PTPRT: variants seen among roughly 807,000 people sequenced by gnomAD.
The protein encoded by PTPRT is protein tyrosine phosphatase receptor type T, also known as receptor-type tyrosine-protein phosphatase T.
PTPRT carries 56 observed loss-of-function variants against 176.8 expected under a neutral mutation model. That is an observed-to-expected ratio of 0.32 (90% CI 0.26 to 0.40). The LOEUF is 0.40. Ranked by LOEUF, PTPRT falls within the 10% of genes least tolerant of loss-of-function variation. The pLI is 1.00. For missense variants in PTPRT, 1,540 were observed against 1,908.2 expected, an observed-to-expected ratio of 0.81 and a Z score of 3.60; for synonymous variants, 783 against 739.0, an observed-to-expected ratio of 1.06 and a Z score of -0.96.
intron 7 of PTPRT, among the ~76,000 whole-genome samples, chr20:42,599,870 CT>C: frequency 6.6e-6 from 1 of 152,178 alleles, no homozygotes. Context: ...CAGGTTCTGC[CT>C]GGCACTCAAA....
At chr20:42,108,248 GTTTA>G (rs1986660568) in intron 23 of PTPRT, among the ~76,000 whole-genome samples, 3 of 81,982 alleles carry the variant, frequency 3.7e-5, no homozygotes, top group African/African-American at 2.2e-4. Flanking sequence ...ACAAAGCTGT[GTTTA>G]TTTCATTTCA....
chr20:42,902,824 C>T (rs1288491711), intron 1 of PTPRT, among the ~76,000 whole-genome samples: 1 of 152,188 alleles, frequency 6.6e-6, no homozygotes. Context: ...GATAATGTCT[C>T]TTGCATGAAA....
In PTPRT at chr20:42,700,388, T is replaced by C. The variant is rs547197018; in HGVS notation, c.860-22229A>G. Among the ~76,000 whole-genome samples, 15 of 152,178 alleles carry C rather than the reference T, an allele frequency of 9.9e-5. 1 individual carries two copies. Among genetic ancestry groups the C allele is most frequent in the Admixed American group, 5.9e-4 (9 of 15,282 alleles). On this transcript the variant is annotated intron_variant, in intron 6 of 30. Transcript: ENST00000373187. ...CCCCCCTCACACAAGCTGTGTGGTA[T>C]AAAAGGATCTGACATGGCTTAGGAA...
chr20:42,928,697 T>C (rs1007275342), intron 1 of PTPRT, among the ~76,000 whole-genome samples: 2 of 152,178 alleles, frequency 1.3e-5, no homozygotes, highest in African/African-American at 2.4e-5. Flanking sequence ...ACAGCCCTGC[T>C]GTGACAATAA....
Position 43,070,238 on chromosome 20 carries a change from C to T in PTPRT, c.88+119408G>A, listed in dbSNP as rs58553593. Reference sequence around the variant, plus strand: ...AGATGCTGTGGGCTCACAGCTTCCTCCTTCTCCAAAGAAATGCAAATCAAA... The same window carrying T: ...AGATGCTGTGGGCTCACAGCTTCCTTCTTCTCCAAAGAAATGCAAATCAAA... On this transcript the variant is annotated intron_variant, in intron 1 of 30. Transcript: ENST00000373187. Among the ~76,000 whole-genome samples the T allele has an allele frequency of 4.3e-3, 660 of 152,272 alleles. 6 individuals carry two copies. The highest frequency in any genetic ancestry group is 0.017 in the Middle Eastern group (5 of 294).
At chr20:42,711,760 G>A (rs555553229) in intron 6 of PTPRT, among the ~76,000 whole-genome samples, 4 of 150,590 alleles carry the variant, frequency 2.7e-5, no homozygotes, top group Middle Eastern at 3.4e-3. Context: ...TTCTAGCCTC[G>A]GACTTATGGG....
intron 7 of PTPRT, among the ~76,000 whole-genome samples, chr20:42,584,750 A>T (rs1189949201): frequency 2.0e-5 from 3 of 152,206 alleles, no homozygotes; most frequent in Admixed American, 1.3e-4. Flanking sequence ...TCATTGCTGT[A>T]TTCCCAGGAC....
At chr20:42,401,088 T>A (rs2058901745) in intron 9 of PTPRT, among the ~76,000 whole-genome samples, 1 of 151,678 alleles carries the variant, frequency 6.6e-6, no homozygotes, top group African/African-American at 2.4e-5. Flanking sequence ...AGCAGATAGG[T>A]TGACGCAGAT....
chr20:42,126,447 C>A (rs974666135), intron 19 of PTPRT, among the ~76,000 whole-genome samples: 19 of 152,174 alleles, frequency 1.2e-4, no homozygotes, highest in African/African-American at 4.6e-4. Context: ...AGTAGTGGTA[C>A]TTACCTTGTG....
intron 15 of PTPRT, among the ~76,000 whole-genome samples, chr20:42,214,400 T>C (rs547918429): frequency 5.3e-5 from 8 of 152,274 alleles, no homozygotes; most frequent in African/African-American, 1.9e-4. Context: ...ACTGCCTCTG[T>C]TGGGTACCAA....
intron 2 of PTPRT, among the ~76,000 whole-genome samples, chr20:42,794,415 A>G (rs2077423108): frequency 6.6e-6 from 1 of 151,740 alleles, no homozygotes; most frequent in Non-Finnish European, 1.5e-5. Context: ...TCTCACATCC[A>G]CCCCCAGGCC....
At chr20:42,427,455 G>C (rs1002986952) in intron 9 of PTPRT, among the ~76,000 whole-genome samples, 1 of 152,134 alleles carries the variant, frequency 6.6e-6, no homozygotes, top group Non-Finnish European at 1.5e-5. Context: ...GGAAATCCAC[G>C]ATCAAGGTGC....
At chr20:43,047,643 T>G (rs1986888287) in intron 1 of PTPRT, among the ~76,000 whole-genome samples, 1 of 152,180 alleles carries the variant, frequency 6.6e-6, no homozygotes, top group Non-Finnish European at 1.5e-5. Flanking sequence ...ACAACTTATT[T>G]AGTATTTAAC....
chr20:42,570,373 C>G (rs1456246255), intron 7 of PTPRT, among the ~76,000 whole-genome samples: 1 of 152,150 alleles, frequency 6.6e-6, no homozygotes, highest in African/African-American at 2.4e-5. Flanking sequence ...AATCCACCAG[C>G]CAGGGGAGCT....
rs780894288 is a variant in PTPRT at position 42,076,888 on chromosome 20, G to A, written c.*3991C>T. ...TTTGCTTTGAGCTTTATCCACTGACGTATCTGTTCCACTCTAGTCTCTTCT... is the reference window on the plus strand; with the variant it reads ...TTTGCTTTGAGCTTTATCCACTGACATATCTGTTCCACTCTAGTCTCTTCT... On this transcript the variant is annotated 3_prime_UTR_variant, in exon 31 of 31. Transcript: ENST00000373187. The A allele has an allele frequency of 1.8e-4, 35 of 199,104 alleles. No individual in the cohort carries two copies. The highest frequency in any genetic ancestry group is 1.9e-4 in the South Asian group (1 of 5,208). 12.3% of individuals were successfully genotyped at this position (199,104 alleles called of 1,614,324 possible).
intron 1 of PTPRT, among the ~76,000 whole-genome samples, chr20:43,072,382 G>T (rs1177253873): frequency 6.6e-6 from 1 of 152,166 alleles, no homozygotes; most frequent in Non-Finnish European, 1.5e-5. Flanking sequence ...AATTGCAAGT[G>T]CCATCTTTAC....
chr20:43,078,479 A>C (rs770238945), intron 1 of PTPRT, among the ~76,000 whole-genome samples: 1 of 152,192 alleles, frequency 6.6e-6, no homozygotes, highest in Non-Finnish European at 1.5e-5. Context: ...AACTGTGTCC[A>C]GGAGTGGTCA....
In PTPRT at chr20:42,789,963, G is replaced by A. The variant is rs147332696; in HGVS notation, c.486+1232C>T. Among the ~76,000 whole-genome samples the A allele has an allele frequency of 2.2e-3, 331 of 152,264 alleles. 2 individuals carry two copies. Among genetic ancestry groups the A allele is most frequent in the African/African-American group, 7.4e-3 (309 of 41,550 alleles). On this transcript the variant is annotated intron_variant, in intron 3 of 30. Coordinates refer to ENST00000373187, the MANE Select transcript of PTPRT (RefSeq NM_007050.6). ...ATGTCTAAGAAGCCCCCAGCCACCG[G>A]TTCATCTTCTGCTTCAGATGCTAGA...
At chr20:42,083,889 T>C (rs1199199513) in intron 29 of PTPRT, among the ~76,000 whole-genome samples, 2 of 152,254 alleles carry the variant, frequency 1.3e-5, no homozygotes, top group Non-Finnish European at 2.9e-5. Flanking sequence ...TGAGACTTTG[T>C]AGAATCCTCT....
Sources: allele counts gnomAD v4.1 joint callset (sites outside exome capture counted in the v4.1 genomes callset), GRCh38; gene constraint gnomAD v4.1.1; transcripts MANE v1.5; gene names NCBI Gene and HGNC (gene_info 2026-07-23, HGNC 2026-07-21).